Variants in SGCZ observed in about 807,000 individuals in gnomAD.
The protein encoded by SGCZ is zeta-sarcoglycan.
Under a neutral mutation model 41.3 loss-of-function variants are expected in SGCZ, and 40 were observed. That is an observed-to-expected ratio of 0.97 (90% confidence interval 0.75 to 1.26). The LOEUF (loss-of-function observed/expected upper bound fraction) is 1.26. Among genes scored for constraint, SGCZ ranks in the 50% most tolerant of loss-of-function variants. The pLI is 0.00. For synonymous variants in SGCZ, 206 were observed against 137.5 expected (o/e 1.50, Z -3.49); for missense variants, 552 against 369.8 (o/e 1.49, Z -4.04).
intron 1 of SGCZ, among the ~76,000 whole-genome samples, chr8:15,236,983 G>A (rs1305213674): frequency 2.0e-5 from 3 of 152,314 alleles, no homozygotes; most frequent in East Asian, 3.9e-4. Context: ...GGCAGCGGGG[G>A]TACCTCTCCA....
At chr8:14,236,882 ATATT>A (rs1217796098) in intron 4 of SGCZ, among the ~76,000 whole-genome samples, 3 of 151,752 alleles carry the variant, frequency 2.0e-5, no homozygotes, top group Non-Finnish European at 2.9e-5. Flanking sequence ...CCAAATTAAA[ATATT>A]TATTTGCTAT....
chr8:14,485,556 CATT>C (rs995276223), intron 2 of SGCZ, among the ~76,000 whole-genome samples: 1 of 152,086 alleles, frequency 6.6e-6, no homozygotes, highest in African/African-American at 2.4e-5. Context: ...TTTTTAACCA[CATT>C]ATTAATGCTT....
intron 4 of SGCZ, among the ~76,000 whole-genome samples, chr8:14,170,943 A>G (rs1804360293): frequency 6.6e-6 from 1 of 152,122 alleles, no homozygotes; most frequent in Non-Finnish European, 1.5e-5. Context: ...TTTTGAAGAA[A>G]AAAAGGATAA....
At chr8:15,213,182 T>G (rs1474411193) in intron 1 of SGCZ, among the ~76,000 whole-genome samples, 1 of 152,036 alleles carries the variant, frequency 6.6e-6, no homozygotes, top group Non-Finnish European at 1.5e-5. Flanking sequence ...TAAATTCACA[T>G]AAAGTTGAAG....
At chr8:14,621,313 G>A (rs35122827) in intron 1 of SGCZ, among the ~76,000 whole-genome samples, 1 of 149,390 alleles carries the variant, frequency 6.7e-6, no homozygotes, top group Non-Finnish European at 1.5e-5. Context: ...GGGAGGGATA[G>A]CATTAGGAGA....
intron 2 of SGCZ, among the ~76,000 whole-genome samples, chr8:14,504,626 A>T (rs1802251822): frequency 6.7e-6 from 1 of 149,350 alleles, no homozygotes; most frequent in African/African-American, 2.5e-5. Flanking sequence ...TTATCTTTTT[A>T]TTTTCTGTAA....
intron 1 of SGCZ, among the ~76,000 whole-genome samples, chr8:14,780,561 G>A (rs1012842585): frequency 1.7e-4 from 26 of 151,860 alleles, no homozygotes; most frequent in Non-Finnish European, 1.0e-4. Flanking sequence ...ACGATGGGAA[G>A]GAATGAAAAA....
chr8:14,465,756 C>T (rs112517845), intron 2 of SGCZ, among the ~76,000 whole-genome samples: 8 of 151,672 alleles, frequency 5.3e-5, no homozygotes, highest in African/African-American at 1.4e-4. Context: ...ACTTCAATAA[C>T]GTAGAAAACT....
At chr8:14,555,869 G>T (rs1358764233) in intron 1 of SGCZ, among the ~76,000 whole-genome samples, 1 of 151,930 alleles carries the variant, frequency 6.6e-6, no homozygotes, top group Non-Finnish European at 1.5e-5. Context: ...GTTTTATTCA[G>T]AATTATGTTG....
intron 2 of SGCZ, among the ~76,000 whole-genome samples, chr8:14,550,522 G>A (rs1803770968): frequency 6.6e-6 from 1 of 151,988 alleles, no homozygotes. Context: ...TAAAGTGTCA[G>A]TGATGACAGC....
At chr8:14,578,675 T>C (rs973926566) in intron 1 of SGCZ, among the ~76,000 whole-genome samples, 2 of 152,178 alleles carry the variant, frequency 1.3e-5, no homozygotes, top group Non-Finnish European at 2.9e-5. Flanking sequence ...CGGTGATGAA[T>C]AATAAGGGAT....
intron 1 of SGCZ, among the ~76,000 whole-genome samples, chr8:14,804,388 G>C (rs1801451909): frequency 7.6e-6 from 1 of 130,862 alleles, no homozygotes; most frequent in South Asian, 2.9e-4. Flanking sequence ...GCTTAAAGGA[G>C]CTGATGGAGC....
At chr8:14,631,858 T>G (rs745723235) in intron 1 of SGCZ, among the ~76,000 whole-genome samples, 1 of 152,082 alleles carries the variant, frequency 6.6e-6, no homozygotes, top group East Asian at 1.9e-4. Context: ...AGAAACAACT[T>G]CTTAGTCTCA....
At chr8:14,528,938 A>C (rs916861928) in intron 2 of SGCZ, among the ~76,000 whole-genome samples, 1 of 152,048 alleles carries the variant, frequency 6.6e-6, no homozygotes, top group African/African-American at 2.4e-5. Context: ...ATCCACTGCA[A>C]TATCCTAATT....
chr8:14,110,525 T>A (rs567403165), intron 5 of SGCZ, among the ~76,000 whole-genome samples: 2 of 152,212 alleles, frequency 1.3e-5, no homozygotes, highest in Admixed American at 1.3e-4. Flanking sequence ...TTTAAAGGAT[T>A]CTTGAAGAAA....
chr8:14,809,831 T>G (rs1250520698), intron 1 of SGCZ, among the ~76,000 whole-genome samples: 1 of 152,140 alleles, frequency 6.6e-6, no homozygotes, highest in Non-Finnish European at 1.5e-5. Flanking sequence ...AAAAGTACTA[T>G]TAATTCTGAT....
chr8:14,841,423 G>A (rs1318804824), intron 1 of SGCZ, among the ~76,000 whole-genome samples: 2 of 152,060 alleles, frequency 1.3e-5, no homozygotes, highest in Non-Finnish European at 2.9e-5. Flanking sequence ...TCATAGTCAT[G>A]GTATTTAAAG....
At chr8:14,788,092 G>A (rs1800830096) in intron 1 of SGCZ, among the ~76,000 whole-genome samples, 2 of 152,282 alleles carry the variant, frequency 1.3e-5, no homozygotes, top group African/African-American at 4.8e-5. Context: ...AAGTTACTGT[G>A]AGTGGTAGAA....
intron 1 of SGCZ, among the ~76,000 whole-genome samples, chr8:14,714,819 G>T (rs1198265999): frequency 3.3e-5 from 5 of 152,134 alleles, no homozygotes; most frequent in Admixed American, 1.3e-4. Context: ...AAAACAATCA[G>T]TTTTATAATC....
Sources: allele counts gnomAD v4.1 joint callset (sites outside exome capture counted in the v4.1 genomes callset), GRCh38; gene constraint gnomAD v4.1.1; transcripts MANE v1.5; gene names NCBI Gene and HGNC (gene_info 2026-07-23, HGNC 2026-07-21).